The following RNF121 variants were observed in gnomAD, a reference collection of about 807,000 sequenced individuals.
The protein encoded by RNF121 is ring finger protein 121.
Under a neutral mutation model 46.5 loss-of-function variants are expected in RNF121, and 21 were observed. That is an observed-to-expected ratio of 0.45 (90% CI 0.32 to 0.65). The LOEUF (loss-of-function observed/expected upper bound fraction) is 0.65, where lower values mean the gene tolerates loss of function less well. Ranked by LOEUF, RNF121 falls within the 30% of genes least tolerant of loss-of-function variation. The pLI is 0.04. For missense variants in RNF121, 346 were observed against 416.0 expected (o/e 0.83, Z 1.46); for synonymous variants, 139 against 144.7 (o/e 0.96, Z 0.28).
At chr11:71,976,666 G>T (rs925606320) in intron 3 of RNF121, among the ~76,000 whole-genome samples, 1 of 152,054 alleles carries the variant, frequency 6.6e-6, no homozygotes, top group Admixed American at 6.6e-5. Flanking sequence ...CCCATTCTGG[G>T]TATATTCTTA....
intron 4 of RNF121, among the ~76,000 whole-genome samples, chr11:71,984,502 G>A (rs770433991): frequency 2.6e-5 from 4 of 151,678 alleles, no homozygotes; most frequent in South Asian, 2.1e-4. Context: ...AGGATGTCTC[G>A]ATCTCCTGAC....
intron 1 of RNF121, among the ~76,000 whole-genome samples, chr11:71,945,815 T>TA (rs1380984691): frequency 2.0e-5 from 3 of 151,504 alleles, no homozygotes; most frequent in Non-Finnish European, 4.4e-5. Flanking sequence ...AATAACCTAG[T>TA]AAAAAATGGG....
intron 4 of RNF121, among the ~76,000 whole-genome samples, chr11:71,986,136 CCT>C (rs937425430): frequency 6.6e-6 from 1 of 152,142 alleles, no homozygotes; most frequent in African/African-American, 2.4e-5. Context: ...TTCTTAAGTG[CCT>C]CTCTCCCTTC....
intron 4 of RNF121, chr11:71,983,169 AATTGTGGTGATC>A (rs1464968501): frequency 3.1e-6 from 1 of 326,982 alleles, no homozygotes; most frequent in Non-Finnish European, 5.5e-6. Flanking sequence ...AAAATAAGCA[AATTGTGGTGATC>A]ATTGTGGTCT....
chr11:71,982,975 TG>T (rs1954694854), intron 4 of RNF121, 60 bp downstream of exon 4: 2 of 1,511,136 alleles, frequency 1.3e-6, no homozygotes, highest in Non-Finnish European at 1.8e-6. Context: ...TTGGAATGCA[TG>T]GGAGGAGCAT....
At chr11:71,948,279 G>A (rs533972172) in intron 1 of RNF121, among the ~76,000 whole-genome samples, 1 of 152,196 alleles carries the variant, frequency 6.6e-6, no homozygotes, top group African/African-American at 2.4e-5. Flanking sequence ...ACTTTGAGAG[G>A]CCGAGGCAGT....
chr11:71,974,412 TCTC>T (rs1362706591), intron 3 of RNF121, among the ~76,000 whole-genome samples: 1 of 152,230 alleles, frequency 6.6e-6, no homozygotes, highest in Non-Finnish European at 1.5e-5. Context: ...GTTGGTTCTT[TCTC>T]CTCAGTAGAC....
intron 5 of RNF121, among the ~76,000 whole-genome samples, chr11:71,988,523 G>T (rs72956152): frequency 2.1e-4 from 32 of 152,158 alleles, no homozygotes; most frequent in Admixed American, 5.9e-4. Flanking sequence ...ATAAATCCTG[G>T]CCAGGTGTGG....
chr11:71,934,346 A>G (rs576051170), intron 1 of RNF121, among the ~76,000 whole-genome samples: 101 of 152,328 alleles, frequency 6.6e-4, no homozygotes, highest in African/African-American at 2.3e-3. Context: ...CATGCAAAAT[A>G]TGTCACAGGT....
intron 7 of RNF121, 80 bp from the exon 8 acceptor site, chr11:71,995,352 TGATAAAGAGCGAAGGCAG>T: frequency 1.1e-6 from 1 of 908,148 alleles, no homozygotes; most frequent in Non-Finnish European, 1.8e-6. Context: ...ATTACAGAGC[TGATAAAGAGCGAAGGCAG>T]GATTTGAACC....
In RNF121 at chr11:71,963,827, T is replaced by TA. The variant is rs565120904; in HGVS notation, c.243+2937dup. 4.6e-4 allele frequency among the ~76,000 whole-genome samples: 70 copies of TA among 152,338 alleles called. 2 individuals are homozygous for TA. In the South Asian group the frequency reaches 0.014, roughly 31 times the overall value. ...TTGTCAGAAATCAATTGATCAAAGA[T>TA]ATGTTGGCTTATTTTTGTACTCTCA... On this transcript the variant is annotated intron_variant, in intron 3 of 8. Transcript: ENST00000361756.
In RNF121 at chr11:71,996,709, C is replaced by G. The variant is rs565286944; in HGVS notation, c.*394C>G. 30 of 196,128 alleles carry G rather than the reference C, an allele frequency of 1.5e-4. No homozygotes were observed. In the East Asian group the frequency reaches 3.1e-3, roughly 20 times the overall value. 12.1% of individuals were successfully genotyped at this position (196,128 alleles called of 1,614,324 possible). A position where few individuals can be genotyped will look rare whatever the true frequency, so the allele number is the denominator to read the frequency against. On this transcript the variant is annotated 3_prime_UTR_variant, in exon 9 of 9. Coordinates refer to ENST00000361756, the MANE Select transcript of RNF121 (RefSeq NM_018320.5). ...CTCCCAGGTAGCTGAAGGCCTCAGC[C>G]CACCCACTCCCTTCTTCCCTGTGTG... is the stretch of plus-strand genomic sequence containing the variant.
At chr11:71,969,527 G>A (rs868806882) in intron 3 of RNF121, among the ~76,000 whole-genome samples, 2 of 151,936 alleles carry the variant, frequency 1.3e-5, no homozygotes, top group African/African-American at 2.4e-5. Flanking sequence ...AGGCATAAAC[G>A]GTATGTTTTA....
At chr11:71,943,234 G>T (rs1953629530) in intron 1 of RNF121, among the ~76,000 whole-genome samples, 1 of 152,204 alleles carries the variant, frequency 6.6e-6, no homozygotes, top group Admixed American at 6.5e-5. Flanking sequence ...TGATGTAAGG[G>T]AAAGAAAATA....
intron 5 of RNF121, among the ~76,000 whole-genome samples, chr11:71,990,277 G>A (rs751059038): frequency 6.6e-6 from 1 of 152,168 alleles, no homozygotes; most frequent in Non-Finnish European, 1.5e-5. Flanking sequence ...TGTAGGTCCC[G>A]ATGAGCATAG....
intron 3 of RNF121, among the ~76,000 whole-genome samples, chr11:71,975,629 A>G (rs956624305): frequency 6.6e-6 from 1 of 152,082 alleles, no homozygotes; most frequent in African/African-American, 2.4e-5. Context: ...TCTTCAGGAG[A>G]TTTTGGTTTT....
chr11:71,951,236 G>A (rs1394167949), intron 1 of RNF121, among the ~76,000 whole-genome samples: 2 of 148,590 alleles, frequency 1.3e-5, no homozygotes. Flanking sequence ...AATAATGAAA[G>A]TCGTCTAAGC....
intron 5 of RNF121, among the ~76,000 whole-genome samples, chr11:71,989,453 G>C (rs539179920): frequency 1.2e-4 from 19 of 152,046 alleles, no homozygotes; most frequent in Non-Finnish European, 2.5e-4. Flanking sequence ...TCTACAATGA[G>C]GAAAACAGAA....
At chr11:71,968,567 C>T (rs2134187213) in intron 3 of RNF121, among the ~76,000 whole-genome samples, 1 of 152,256 alleles carries the variant, frequency 6.6e-6, no homozygotes, top group South Asian at 2.1e-4. Context: ...AAGGTCAGTT[C>T]TAGAGAGGAG....
Sources: gnomAD v4.1 joint callset for allele counts (sites outside exome capture counted in the v4.1 genomes callset) on GRCh38, gnomAD v4.1.1 for gene constraint, MANE v1.5 for transcripts, NCBI Gene and HGNC (gene_info 2026-07-23, HGNC 2026-07-21) for gene names.